Variants in ADGRL3 observed in about 807,000 individuals in gnomAD.
The protein encoded by ADGRL3 is adhesion G protein-coupled receptor L3.
In ADGRL3, 62 loss-of-function variants were observed where a neutral mutation model predicts 153.5. That is an observed-to-expected ratio of 0.40 (90% CI 0.33 to 0.50). ADGRL3 has a LOEUF of 0.50. Among genes scored for constraint, ADGRL3 ranks in the 20% least tolerant of loss-of-function variants. The pLI, the probability that ADGRL3 is intolerant of heterozygous loss-of-function variation, is 0.47. For missense variants in ADGRL3, 1,641 were observed against 1,859.4 expected (o/e 0.88, Z 2.16); for synonymous variants, 710 against 672.5 (o/e 1.06, Z -0.86).
At chr4:61,899,121 G>C (rs1427893260) in intron 11 of ADGRL3, among the ~76,000 whole-genome samples, 1 of 152,144 alleles carries the variant, frequency 6.6e-6, no homozygotes, top group Admixed American at 6.6e-5. Context: ...TTTACAGGCT[G>C]CTCTTTGTTA....
chr4:61,764,158 G>T (rs1327020512), intron 8 of ADGRL3, among the ~76,000 whole-genome samples: 1 of 151,966 alleles, frequency 6.6e-6, no homozygotes, highest in Non-Finnish European at 1.5e-5. Context: ...AATTAATTTG[G>T]TAACACTATT....
intron 4 of ADGRL3, among the ~76,000 whole-genome samples, chr4:61,575,547 T>C (rs2149202912): frequency 6.6e-6 from 1 of 152,120 alleles, no homozygotes; most frequent in Middle Eastern, 3.4e-3. Flanking sequence ...TTTTAATGTT[T>C]ATCTCCTGCC....
At chr4:61,550,924 C>A (rs1453162827) in intron 4 of ADGRL3, among the ~76,000 whole-genome samples, 2 of 152,082 alleles carry the variant, frequency 1.3e-5, no homozygotes, top group Non-Finnish European at 2.9e-5. Context: ...GTAATTCCTA[C>A]ATATCTCACT....
At chr4:61,899,077 C>T (rs1347385513) in intron 11 of ADGRL3, among the ~76,000 whole-genome samples, 2 of 152,162 alleles carry the variant, frequency 1.3e-5, no homozygotes, top group African/African-American at 4.8e-5. Flanking sequence ...CCTGTGCAAG[C>T]TTCTAGCTTG....
chr4:61,428,877 C>CTATCTATCTATCTATCTATCTATCT (rs1560616250), intron 2 of ADGRL3, among the ~76,000 whole-genome samples: 1 of 131,452 alleles, frequency 7.6e-6, no homozygotes, highest in Non-Finnish European at 1.7e-5. Flanking sequence ...CTATCTATAT[C>CTATCTATCTATCTATCTATCTATCT]ATCTATCTAT....
intron 5 of ADGRL3, among the ~76,000 whole-genome samples, chr4:61,658,611 T>C (rs991108019): frequency 1.3e-5 from 2 of 152,164 alleles, no homozygotes; most frequent in African/African-American, 4.8e-5. Flanking sequence ...ATCTCTGTAT[T>C]TGAGCCTTGC....
At chr4:62,037,285 C>A (rs28674576) in intron 23 of ADGRL3, among the ~76,000 whole-genome samples, 2,939 of 152,164 alleles carry the variant, frequency 0.019, 99 homozygotes, top group African/African-American at 0.068. Flanking sequence ...CTCTCTCCCC[C>A]ACTTCTTACC....
chr4:61,498,990 C>T (rs2098353255), intron 3 of ADGRL3, among the ~76,000 whole-genome samples: 1 of 152,188 alleles, frequency 6.6e-6, no homozygotes, highest in Middle Eastern at 3.4e-3. Flanking sequence ...GCTGTATTTG[C>T]CACTGCTTAG....
chr4:61,609,667 T>C (rs1018959962), intron 5 of ADGRL3, among the ~76,000 whole-genome samples: 2 of 152,114 alleles, frequency 1.3e-5, no homozygotes, highest in Non-Finnish European at 2.9e-5. Context: ...ATCCTGATTA[T>C]GCAGCCCAGC....
At chr4:61,461,902 A>G (rs2097824224) in intron 2 of ADGRL3, among the ~76,000 whole-genome samples, 1 of 152,198 alleles carries the variant, frequency 6.6e-6, no homozygotes, top group Non-Finnish European at 1.5e-5. Context: ...TTTTTAATTA[A>G]TCTACCCAGA....
intron 23 of ADGRL3, among the ~76,000 whole-genome samples, chr4:62,034,677 A>G (rs553524631): frequency 3.3e-4 from 50 of 152,010 alleles, no homozygotes; most frequent in African/African-American, 1.1e-3. Flanking sequence ...GAAATATGAA[A>G]TATTTCATAT....
intron 24 of ADGRL3, among the ~76,000 whole-genome samples, chr4:62,039,747 C>A (rs1727135996): frequency 6.6e-6 from 1 of 152,040 alleles, no homozygotes; most frequent in East Asian, 1.9e-4. Context: ...GACTCATAAT[C>A]CCTTGCTCTT....
At chr4:61,638,742 T>C (rs547463967) in intron 5 of ADGRL3, among the ~76,000 whole-genome samples, 1 of 152,312 alleles carries the variant, frequency 6.6e-6, no homozygotes, top group Non-Finnish European at 1.5e-5. Flanking sequence ...TCAGTATAAT[T>C]ATCCCTCCCC....
chr4:61,990,203 C>A (rs888180902), intron 19 of ADGRL3, among the ~76,000 whole-genome samples: 2 of 151,648 alleles, frequency 1.3e-5, no homozygotes, highest in Admixed American at 1.3e-4. Context: ...TATTTTTTGG[C>A]AATAAAAATG....
Position 62,053,741 on chromosome 4 carries a change from C to T in ADGRL3, c.3814+9192C>T, listed in dbSNP as rs560920226. On this transcript the variant is annotated intron_variant, in intron 25 of 26. Transcript: ENST00000683033. ...TATTCACGGATACCTTATTTGAATTCATGTCTATTTTGTTCAGACACACTT... is the reference window on the plus strand; with the variant it reads ...TATTCACGGATACCTTATTTGAATTTATGTCTATTTTGTTCAGACACACTT... Among the ~76,000 whole-genome samples, 47 of 151,588 alleles carry T rather than the reference C, an allele frequency of 3.1e-4. No homozygotes were observed. In the South Asian group the frequency reaches 7.9e-3, roughly 25 times the overall value.
At chr4:61,753,179 T>G (rs951664376) in intron 8 of ADGRL3, among the ~76,000 whole-genome samples, 10 of 143,666 alleles carry the variant, frequency 7.0e-5, no homozygotes, top group Non-Finnish European at 1.1e-4. Flanking sequence ...CTCCCCGAAC[T>G]CCTCTAGATG....
chr4:61,985,983 A>G lies in ADGRL3; in HGVS notation c.3236+2380A>G, dbSNP rs552716697. On this transcript the variant is annotated intron_variant, in intron 19 of 26. Transcript: ENST00000683033. ...CTTAGGGGAGGGGTGTTAGGTTGAT[A>G]TAGGTTTGTTTTTTTTTTTAAATAA... Among the ~76,000 whole-genome samples the G allele has an allele frequency of 3.3e-5, 5 of 150,442 alleles. No individual in the cohort carries two copies. In the South Asian group the frequency reaches 1.0e-3, roughly 31 times the overall value.
rs144032593 is a variant in ADGRL3, at chr4:61,922,657, T to C, written c.2112+9900T>C. On this transcript the variant is annotated intron_variant, in intron 13 of 26. Coordinates refer to ENST00000683033, the MANE Select transcript of ADGRL3 (RefSeq NM_001387552.1). ...CAAAGTCTGAAAAATACATTTTTTA[T>C]TAAAAAATAGTAAACACATATACTT... 8.3e-3 allele frequency among the ~76,000 whole-genome samples: 1,265 copies of C among 152,314 alleles called. 42 individuals carry two copies. Among genetic ancestry groups the C allele is most frequent in the East Asian group, 0.044 (228 of 5,178 alleles).
intron 8 of ADGRL3, among the ~76,000 whole-genome samples, chr4:61,771,631 A>T (rs553778547): frequency 7.2e-5 from 11 of 152,126 alleles, no homozygotes; most frequent in African/African-American, 2.4e-4. Flanking sequence ...TGTTGCCTAA[A>T]CTGGTCTCAA....
Sources: gnomAD v4.1 joint callset for allele counts (sites outside exome capture counted in the v4.1 genomes callset) on GRCh38, gnomAD v4.1.1 for gene constraint, MANE v1.5 for transcripts, NCBI Gene and HGNC (gene_info 2026-07-23, HGNC 2026-07-21) for gene names.